Variants in XNDC1N observed in about 807,000 individuals in gnomAD.
XNDC1N encodes XRCC1 N-terminal domain containing 1, N-terminal like, also known as protein XNDC1N.
At chr11:71,892,252 A>AATAAC in the XNDC1N span, among the ~76,000 whole-genome samples, 1 of 148,194 alleles carries the variant, frequency 6.7e-6, no homozygotes, top group African/African-American at 2.4e-5. Flanking sequence ...GTAGATAACA[A>AATAAC]ATAACATCGC....
the XNDC1N span, among the ~76,000 whole-genome samples, chr11:71,894,860 C>A: frequency 0.032 from 4,573 of 145,126 alleles, 72 homozygotes; most frequent in East Asian, 0.08. Context: ...TTCAAGGTGA[C>A]GTTTCCAAGA....
chr11:71,910,750 G>C, the XNDC1N span, among the ~76,000 whole-genome samples: 18 of 152,202 alleles, frequency 1.2e-4, 2 homozygotes, highest in Admixed American at 9.2e-4. Context: ...TGCCATCTAG[G>C]GGAGCCTAAG....
the XNDC1N span, among the ~76,000 whole-genome samples, chr11:71,886,065 A>G: frequency 1.3e-5 from 2 of 152,138 alleles, no homozygotes; most frequent in Admixed American, 6.5e-5. Flanking sequence ...TTACGACCCA[A>G]AAGGGGACAC....
the XNDC1N span, chr11:71,916,028 A>G: frequency 1.5e-6 from 1 of 685,720 alleles, no homozygotes; most frequent in African/African-American, 1.8e-5. Flanking sequence ...CAGAAACCTG[A>G]AAAGGAAGGG....
At chr11:71,898,238 CAG>C in the XNDC1N span, among the ~76,000 whole-genome samples, 1 of 151,478 alleles carries the variant, frequency 6.6e-6, no homozygotes, top group African/African-American at 2.4e-5. Context: ...CAAAAACAAA[CAG>C]GCACTTCTGA....
the XNDC1N span, among the ~76,000 whole-genome samples, chr11:71,881,991 A>G: frequency 2.0e-5 from 3 of 152,120 alleles, no homozygotes; most frequent in African/African-American, 7.2e-5. Flanking sequence ...CAAAATCTAC[A>G]TATCTAGGAA....
the XNDC1N span, among the ~76,000 whole-genome samples, chr11:71,876,362 C>A: frequency 1.3e-5 from 2 of 152,146 alleles, no homozygotes; most frequent in Non-Finnish European, 2.9e-5. Context: ...AGCACTTTAT[C>A]TTTCTTTGCT....
At chr11:71,923,198 C>A in the XNDC1N span, 2 of 685,982 alleles carry the variant, frequency 2.9e-6, no homozygotes, top group Non-Finnish European at 5.2e-6. Context: ...TCTGAACTCA[C>A]AATGTCTCTT....
At chr11:71,917,487 A>G in the XNDC1N span, 5 of 676,956 alleles carry the variant, frequency 7.4e-6, no homozygotes, top group Non-Finnish European at 1.4e-5. Flanking sequence ...CTTTGCCCCC[A>G]ACAGATATAA....
the XNDC1N span, among the ~76,000 whole-genome samples, chr11:71,914,908 T>C: frequency 9.8e-5 from 15 of 152,332 alleles, no homozygotes; most frequent in African/African-American, 3.4e-4. Context: ...ACTTAGTTGA[T>C]GAAGCAGTGG....
the XNDC1N span, among the ~76,000 whole-genome samples, chr11:71,892,765 T>A: frequency 6.6e-6 from 1 of 152,058 alleles, no homozygotes; most frequent in Non-Finnish European, 1.5e-5. Flanking sequence ...AGGTGATCCA[T>A]CAGCCTCGGC....
the XNDC1N span, chr11:71,893,520 G>A: frequency 1.9e-5 from 15 of 805,014 alleles, no homozygotes; most frequent in Admixed American, 3.5e-5. Flanking sequence ...GACTCTCAGA[G>A]GATCCAGAAC....
chr11:71,888,395 C>T, the XNDC1N span, among the ~76,000 whole-genome samples: 1 of 151,114 alleles, frequency 6.6e-6, no homozygotes, highest in South Asian at 2.1e-4. Context: ...CCTTTGTATG[C>T]GGTCACCAAG....
At chr11:71,883,052 G>A in the XNDC1N span, among the ~76,000 whole-genome samples, 1 of 151,698 alleles carries the variant, frequency 6.6e-6, no homozygotes, top group African/African-American at 2.4e-5. Context: ...ATGAAAGACT[G>A]GTACATTAAA....
chr11:71,899,366 GA>G, the XNDC1N span, among the ~76,000 whole-genome samples: 2 of 152,162 alleles, frequency 1.3e-5, no homozygotes, highest in Non-Finnish European at 2.9e-5. Context: ...GCAGTTCAGT[GA>G]GTGTAGGGAA....
the XNDC1N span, among the ~76,000 whole-genome samples, chr11:71,874,370 G>A: frequency 5.3e-5 from 8 of 152,180 alleles, no homozygotes; most frequent in African/African-American, 1.7e-4. Flanking sequence ...GATAGAACTC[G>A]GCTTGCTAAT....
chr11:71,910,081 C>A, the XNDC1N span, among the ~76,000 whole-genome samples: 1 of 152,100 alleles, frequency 6.6e-6, no homozygotes, highest in Non-Finnish European at 1.5e-5. Context: ...CCCAGAGAAG[C>A]CCTTCAAGGT....
At chr11:71,907,239 TC>T in the XNDC1N span, among the ~76,000 whole-genome samples, 1 of 152,026 alleles carries the variant, frequency 6.6e-6, no homozygotes, top group Non-Finnish European at 1.5e-5. Flanking sequence ...GAAAATAATG[TC>T]CCAGGGTGTT....
the XNDC1N span, chr11:71,884,672 A>T: frequency 5.9e-6 from 8 of 1,357,654 alleles, no homozygotes; most frequent in Non-Finnish European, 2.0e-6. Flanking sequence ...GCATGTTTAG[A>T]TGGTCAGGTG....
Sources: allele counts gnomAD v4.1 joint callset (sites outside exome capture counted in the v4.1 genomes callset), GRCh38; gene constraint gnomAD v4.1.1; transcripts MANE v1.5; gene names NCBI Gene and HGNC (gene_info 2026-07-23, HGNC 2026-07-21).